The following LOC400499 variants were observed in gnomAD, a reference collection of about 807,000 sequenced individuals.
At chr16:11,504,393 T>A in the LOC400499 span, among the ~76,000 whole-genome samples, 2 of 150,326 alleles carry the variant, frequency 1.3e-5, no homozygotes, top group Non-Finnish European at 3.0e-5. Context: ...CTGTCTCTAC[T>A]GAAAATACAA....
the LOC400499 span, chr16:11,487,402 G>T: frequency 1.1e-3 from 419 of 398,918 alleles, 2 homozygotes; most frequent in African/African-American, 7.9e-3. Flanking sequence ...AGTAAGACAA[G>T]AACATCAGTA....
the LOC400499 span, among the ~76,000 whole-genome samples, chr16:11,527,506 T>C: frequency 6.6e-6 from 1 of 152,222 alleles, no homozygotes. Context: ...CAAGACGGTG[T>C]AGTGGTTGTT....
the LOC400499 span, among the ~76,000 whole-genome samples, chr16:11,407,975 T>G: frequency 1.5e-5 from 2 of 133,982 alleles, no homozygotes; most frequent in African/African-American, 2.9e-5. Flanking sequence ...GAGCTGTTTT[T>G]TTTTTTTTTT....
the LOC400499 span, chr16:11,491,722 C>G: frequency 5.2e-6 from 2 of 386,048 alleles, no homozygotes; most frequent in East Asian, 7.4e-5. Flanking sequence ...AGCTCGCCTG[C>G]CTGGGTGCGC....
the LOC400499 span, among the ~76,000 whole-genome samples, chr16:11,499,079 G>A: frequency 1.6e-5 from 1 of 62,116 alleles, no homozygotes; most frequent in Non-Finnish European, 3.4e-5. Context: ...GGGGAAGGGA[G>A]GAAGAGGGGA....
chr16:11,489,724 G>T, the LOC400499 span, among the ~76,000 whole-genome samples: 1 of 152,200 alleles, frequency 6.6e-6, no homozygotes, highest in Admixed American at 6.5e-5. Context: ...CTGAGGAGGG[G>T]TTTAGCACAC....
the LOC400499 span, chr16:11,484,973 T>A: frequency 2.5e-6 from 1 of 399,224 alleles, no homozygotes; most frequent in Non-Finnish European, 4.4e-6. Flanking sequence ...CCCTGGGGGT[T>A]CCTCTGGCTC....
the LOC400499 span, chr16:11,424,270 A>T: frequency 7.5e-6 from 3 of 399,066 alleles, no homozygotes; most frequent in South Asian, 1.3e-4. Context: ...CCCGCGTTCC[A>T]CAGCGCCAGG....
At chr16:11,475,169 T>C in the LOC400499 span, among the ~76,000 whole-genome samples, 1 of 152,024 alleles carries the variant, frequency 6.6e-6, no homozygotes, top group Non-Finnish European at 1.5e-5. Context: ...CTTTTCCCCT[T>C]TAAACAAAGG....
chr16:11,468,525 T>A, the LOC400499 span, among the ~76,000 whole-genome samples: 2 of 152,326 alleles, frequency 1.3e-5, no homozygotes, highest in Middle Eastern at 3.4e-3. Context: ...CGGGTCTTGC[T>A]ATGTTGCCCA....
chr16:11,408,740 A>G, the LOC400499 span, among the ~76,000 whole-genome samples: 1 of 152,088 alleles, frequency 6.6e-6, no homozygotes, highest in South Asian at 2.1e-4. Context: ...TGTGATTATG[A>G]GTGTGAACCA....
chr16:11,479,230 C>A, the LOC400499 span, among the ~76,000 whole-genome samples: 1 of 152,150 alleles, frequency 6.6e-6, no homozygotes, highest in Non-Finnish European at 1.5e-5. Context: ...GATGTGTTTT[C>A]TCTGACTTGC....
At chr16:11,493,419 C>T in the LOC400499 span, among the ~76,000 whole-genome samples, 1 of 152,182 alleles carries the variant, frequency 6.6e-6, no homozygotes, top group African/African-American at 2.4e-5. Flanking sequence ...AGAGGGGGCA[C>T]AGATGGCACT....
the LOC400499 span, chr16:11,462,312 G>A: frequency 2.0e-6 from 3 of 1,466,278 alleles, no homozygotes; most frequent in Non-Finnish European, 2.7e-6. Context: ...CCCTGAAACG[G>A]CCTCAGTGTC....
the LOC400499 span, among the ~76,000 whole-genome samples, chr16:11,506,913 C>T: frequency 3.9e-5 from 6 of 152,192 alleles, no homozygotes; most frequent in Non-Finnish European, 7.3e-5. Flanking sequence ...CCGATGTGTC[C>T]CTGCAAAGCC....
the LOC400499 span, chr16:11,417,856 G>A: frequency 5.0e-6 from 2 of 398,632 alleles, no homozygotes. Flanking sequence ...TGACACCAAG[G>A]AGACGCTGGA....
the LOC400499 span, among the ~76,000 whole-genome samples, chr16:11,504,453 G>A: frequency 6.6e-6 from 1 of 152,078 alleles, no homozygotes; most frequent in Admixed American, 6.6e-5. Flanking sequence ...CTATTCAGGA[G>A]GCTGAGGCAA....
chr16:11,446,553 G>A, the LOC400499 span: 3 of 1,535,970 alleles, frequency 2.0e-6, no homozygotes, highest in Admixed American at 2.0e-5. Context: ...CTCTTACCGT[G>A]TGCTGATTCC....
chr16:11,461,157 C>T, the LOC400499 span: 3 of 1,509,154 alleles, frequency 2.0e-6, no homozygotes, highest in African/African-American at 1.4e-5. Flanking sequence ...GAGGGTCAGC[C>T]CCCAGGGACC....
Sources: allele counts gnomAD v4.1 joint callset (sites outside exome capture counted in the v4.1 genomes callset), GRCh38; gene constraint gnomAD v4.1.1; transcripts MANE v1.5.